The following STRIP1 variants were observed in gnomAD, a reference collection of about 807,000 sequenced individuals.
The protein encoded by STRIP1 is striatin-interacting protein 1.
Under a neutral mutation model 106.2 loss-of-function variants are expected in STRIP1, and 63 were observed. The ratio of observed to expected loss-of-function variants is 0.59; its 90% confidence interval spans 0.48 to 0.73. The LOEUF is 0.73. Ranked by LOEUF, STRIP1 falls within the 30% of genes least tolerant of loss-of-function variation. The pLI, the probability that STRIP1 is intolerant of heterozygous loss-of-function variation, is 0.00. For synonymous variants in STRIP1, 390 were observed against 413.0 expected (o/e 0.94, Z 0.67); for missense variants, 857 against 1,074.8 (o/e 0.80, Z 2.83).
chr1:110,035,902 A>G lies in STRIP1; in HGVS notation c.180+1085A>G, dbSNP rs532764277. 2.0e-5 allele frequency among the ~76,000 whole-genome samples: 3 copies of G among 152,304 alleles called. No individual in the cohort carries two copies. The South Asian group carries it at 6.2e-4, about 32-fold the overall frequency. Reference sequence around the variant, plus strand: ...AATTGGCAAGCCCGAAGTAGACGTAATTTGAGCTTGGAGTGAATTATTTGA... The same window carrying G: ...AATTGGCAAGCCCGAAGTAGACGTAGTTTGAGCTTGGAGTGAATTATTTGA... On this transcript the variant is annotated intron_variant, in intron 1 of 20. Coordinates refer to ENST00000369795, the MANE Select transcript of STRIP1 (RefSeq NM_033088.4).
At chr1:110,052,045 C>T (rs1653326385) in intron 20 of STRIP1, among the ~76,000 whole-genome samples, 158 bp downstream of exon 20, 1 of 152,114 alleles carries the variant, frequency 6.6e-6, no homozygotes, top group Non-Finnish European at 1.5e-5. Flanking sequence ...TCAGGATGGG[C>T]ACTCTAGGAA....
intron 1 of STRIP1, among the ~76,000 whole-genome samples, chr1:110,036,718 T>C (rs1652475627): frequency 6.6e-6 from 1 of 152,230 alleles, no homozygotes; most frequent in African/African-American, 2.4e-5. Context: ...TTTTCATCAT[T>C]GCCATTCAAT....
upstream of STRIP1, chr1:110,034,488 A>C (rs536454251): frequency 1.5e-5 from 12 of 823,044 alleles, no homozygotes; most frequent in East Asian, 2.7e-4. Flanking sequence ...TGCAGACAGA[A>C]TATCGCGAGG....
chr1:110,031,848 C>A (rs1312573402), upstream of STRIP1, among the ~76,000 whole-genome samples: 1 of 152,024 alleles, frequency 6.6e-6, no homozygotes, highest in African/African-American at 2.4e-5. Context: ...CTTATGCATG[C>A]CCCATTCCAT....
chr1:110,036,686 C>T (rs58980842), intron 1 of STRIP1, among the ~76,000 whole-genome samples: 1,882 of 152,260 alleles, frequency 0.012, 44 homozygotes, highest in African/African-American at 0.043. Flanking sequence ...TTTGATTAGT[C>T]CTTAAAAATC....
chr1:110,054,041 CA>C lies in STRIP1; in HGVS notation c.*130del. On this transcript the variant is annotated 3_prime_UTR_variant, in exon 21 of 21. Coordinates refer to ENST00000369795, the MANE Select transcript of STRIP1 (RefSeq NM_033088.4). ...CAGCACAGCCCCACTGTGTCTTCCG[CA>C]GTCTGTCCTGGGCTTGGGTGAGCCC... 8.2e-7 allele frequency: 1 copy of C among 1,224,954 alleles called. No homozygotes were observed. The highest frequency in any genetic ancestry group is 1.2e-6 in the Non-Finnish European group (1 of 868,914). 75.9% of individuals were successfully genotyped at this position (1,224,954 alleles called of 1,614,324 possible).
At position 110,039,366 on chromosome 1, in the gene STRIP1, G is replaced by C. The variant is rs752616387; in HGVS notation, c.461-29G>C. 10 of 1,613,914 alleles carry C rather than the reference G, an allele frequency of 6.2e-6. No homozygotes were observed. The African/African-American group carries it at 1.3e-4, about 22-fold the overall frequency. Reference sequence around the variant, plus strand: ...CTCTGCCCACTCAGATGCAGGGAGGGGCTCAGTGAGTTGAACCCTGCATTG... The same window carrying C: ...CTCTGCCCACTCAGATGCAGGGAGGCGCTCAGTGAGTTGAACCCTGCATTG... On this transcript the variant is annotated intron_variant, in intron 4 of 20. Coordinates refer to ENST00000369795, the MANE Select transcript of STRIP1 (RefSeq NM_033088.4).
chr1:110,032,284 A>C (rs78852824), upstream of STRIP1, among the ~76,000 whole-genome samples: 423 of 152,330 alleles, frequency 2.8e-3, 5 homozygotes, highest in African/African-American at 9.5e-3. Flanking sequence ...GTAGGAGGAA[A>C]TAGCAGTGTG....
chr1:110,033,166 A>G (rs1485348094), upstream of STRIP1, among the ~76,000 whole-genome samples: 1 of 152,130 alleles, frequency 6.6e-6, no homozygotes, highest in Non-Finnish European at 1.5e-5. Flanking sequence ...TCACACCCTC[A>G]GGCCTGCCTT....
At chr1:110,047,986 A>AT in intron 15 of STRIP1, 117 bp downstream of exon 15, 1 of 841,646 alleles carries the variant, frequency 1.2e-6, no homozygotes, top group Non-Finnish European at 1.9e-6. Flanking sequence ...AAATGTAGGT[A>AT]TTTTTGACCC....
upstream of STRIP1, among the ~76,000 whole-genome samples, chr1:110,032,627 A>C (rs139004018): frequency 2.6e-5 from 4 of 152,162 alleles, no homozygotes; most frequent in Non-Finnish European, 4.4e-5. Flanking sequence ...CTTATTTATG[A>C]AAGTGATACA....
intron 1 of STRIP1, among the ~76,000 whole-genome samples, chr1:110,036,122 C>G (rs1004141182): frequency 6.6e-6 from 1 of 152,108 alleles, no homozygotes; most frequent in African/African-American, 2.4e-5. Flanking sequence ...AAATAGATAC[C>G]CTCTGACGAA....
intron 13 of STRIP1, 120 bp from the exon 14 acceptor site, chr1:110,047,419 TATC>T (rs1327477657): frequency 1.4e-6 from 1 of 720,982 alleles, no homozygotes; most frequent in South Asian, 1.7e-5. Flanking sequence ...GGTTTGCTGT[TATC>T]ATCATTAACA....
chr1:110,034,900 T>C, intron 1 of STRIP1, 83 bp downstream of exon 1: 3 of 1,318,332 alleles, frequency 2.3e-6, no homozygotes, highest in Non-Finnish European at 3.0e-6. Flanking sequence ...AGGGGCCAGG[T>C]TGGGCTTCCC....
chr1:110,052,868 C>G (rs1273855658), intron 20 of STRIP1, among the ~76,000 whole-genome samples: 1 of 152,184 alleles, frequency 6.6e-6, no homozygotes, highest in African/African-American at 2.4e-5. Flanking sequence ...GCCCGGCCCC[C>G]TAGTGAATCT....
Position 110,038,957 on chromosome 1 carries a change from A to AG in STRIP1, c.325+201dup, listed in dbSNP as rs766514840. On this transcript the variant is annotated intron_variant, in intron 3 of 20. Coordinates refer to ENST00000369795, the MANE Select transcript of STRIP1 (RefSeq NM_033088.4). ...CTTTTCAGAATGTGCATATTAGGGGAGAAAAAAAAATCATGTGATTAAAAT... is the reference window on the plus strand; with the variant it reads ...CTTTTCAGAATGTGCATATTAGGGGAGGAAAAAAAAATCATGTGATTAAAAT... 393 of 715,940 alleles carry AG rather than the reference A, an allele frequency of 5.5e-4. 1 individual carries two copies. Among genetic ancestry groups the AG allele is most frequent in the Non-Finnish European group, 8.4e-4 (369 of 439,922 alleles). The allele number at this position is 715,940 out of a possible 1,614,324, so 44.3% of individuals were successfully genotyped here.
chr1:110,050,378 A>T lies in STRIP1; in HGVS notation c.1925A>T (p.His642Leu). ...CTGGATTACCCTCACTGCGTGGTGC[A>T]TGAGCTGCCAGAGCTGACGGCGGAG... is the stretch of plus-strand genomic sequence containing the variant. ...SVLDYPHCVVHELPELTAESL... is the reference protein window; with the variant it reads ...SVLDYPHCVVLELPELTAESL... Residue 642 changes from histidine (H) to leucine (L), a missense_variant, in exon 18 of 21, where the codon CAT becomes CTT. His to Leu is a moderately conservative substitution (Grantham distance 99). Coordinates refer to ENST00000369795, the MANE Select transcript of STRIP1 (RefSeq NM_033088.4). 1 of 1,614,184 alleles carries T rather than the reference A, an allele frequency of 6.2e-7. No homozygotes were observed. Among genetic ancestry groups the T allele is most frequent in the African/African-American group, 1.3e-5 (1 of 75,062 alleles).
chr1:110,045,142 G>A (rs889926656), intron 12 of STRIP1, 64 bp downstream of exon 12: 10 of 1,463,428 alleles, frequency 6.8e-6, no homozygotes, highest in Non-Finnish European at 9.6e-6. Context: ...AAACCAGCCT[G>A]TAGGGAGAAG....
chr1:110,038,014 T>A, intron 2 of STRIP1, 54 bp downstream of exon 2: 1 of 1,010,132 alleles, frequency 9.9e-7, no homozygotes, highest in African/African-American at 1.6e-5. Flanking sequence ...TATTGGTCTT[T>A]AATAAAATTA....
Sources: allele counts gnomAD v4.1 joint callset (sites outside exome capture counted in the v4.1 genomes callset), GRCh38; gene constraint gnomAD v4.1.1; transcripts MANE v1.5; gene names NCBI Gene and HGNC (gene_info 2026-07-23, HGNC 2026-07-21).